SNRPN: variants seen among roughly 807,000 people sequenced by gnomAD.
SNRPN encodes the protein small nuclear ribonucleoprotein polypeptide N.
In SNRPN, 7 loss-of-function variants were observed where a neutral mutation model predicts 25.2. The observed-to-expected ratio is 0.28, with a 90% CI of 0.16 to 0.52. The LOEUF (loss-of-function observed/expected upper bound fraction) is 0.52, where lower values mean the gene tolerates loss of function less well. Among genes scored for constraint, SNRPN ranks in the 20% least tolerant of loss-of-function variants. SNRPN has a pLI of 0.96. For missense variants in SNRPN, 196 were observed against 322.5 expected, an observed-to-expected ratio of 0.61 and a Z score of 3.00; for synonymous variants, 124 against 110.6, an observed-to-expected ratio of 1.12 and a Z score of -0.76.
chr15:24,836,418 AT>A (rs36035592), intron 2 of SNRPN, among the ~76,000 whole-genome samples: 8 of 149,910 alleles, frequency 5.3e-5, no homozygotes, highest in African/African-American at 7.4e-5. Context: ...ATGCAAATGC[AT>A]TTTTTTTTTG....
rs536321251 is a variant in SNRPN, at chr15:24,945,578, G to A, written c.-390-16536G>A. Among the ~76,000 whole-genome samples the A allele has an allele frequency of 2.3e-3, 349 of 152,154 alleles. 1 individual carries two copies. The highest frequency in any genetic ancestry group is 4.3e-3 in the Non-Finnish European group (290 of 67,998). ...TAAAAAAAAAATATACAGGCAGCAG[G>A]CAGGATTTGGCATAGTTTGCTGACC... On this transcript the variant is annotated intron_variant, in intron 3 of 11. Coordinates refer to the SNRPN transcript ENST00000400097.
chr15:24,826,488 T>A (rs981390648), intron 1 of SNRPN, among the ~76,000 whole-genome samples: 2 of 152,120 alleles, frequency 1.3e-5, no homozygotes, highest in African/African-American at 4.8e-5. Context: ...CATTCTTGGT[T>A]TTTACATTGG....
chr15:24,837,987 T>C lies in SNRPN; in HGVS notation c.-579+8082T>C, dbSNP rs544285968. On this transcript the variant is annotated intron_variant, in intron 2 of 12. Coordinates refer to the SNRPN transcript ENST00000400100. ...ATCCGCCTGCCTCGGCCTCCCAAAGTGCTGAGATTACAGGCATGAGCCACT... is the reference window on the plus strand; with the variant it reads ...ATCCGCCTGCCTCGGCCTCCCAAAGCGCTGAGATTACAGGCATGAGCCACT... Among the ~76,000 whole-genome samples the C allele has an allele frequency of 5.7e-4, 86 of 151,902 alleles. 1 individual carries two copies. The highest frequency in any genetic ancestry group is 1.8e-3 in the African/African-American group (75 of 41,354).
intron 1 of SNRPN, among the ~76,000 whole-genome samples, chr15:24,883,992 C>T (rs1281113459): frequency 3.1e-5 from 4 of 130,644 alleles, no homozygotes; most frequent in Non-Finnish European, 6.3e-5. Context: ...GACAACAGAG[C>T]CCCACTCTGT....
intron 3 of SNRPN, among the ~76,000 whole-genome samples, chr15:24,970,727 T>C (rs1185237499): frequency 6.6e-6 from 1 of 152,228 alleles, no homozygotes; most frequent in East Asian, 1.9e-4. Context: ...CATTGTTTTC[T>C]AAACACATCA....
intron 2 of SNRPN, among the ~76,000 whole-genome samples, chr15:24,964,760 T>G (rs1377582139): frequency 6.6e-6 from 1 of 152,224 alleles, no homozygotes; most frequent in East Asian, 1.9e-4. Context: ...TGCTATATTT[T>G]TGTTACAGTT....
chr15:24,919,567 G>T (rs1049173550), intron 2 of SNRPN, among the ~76,000 whole-genome samples: 4 of 152,100 alleles, frequency 2.6e-5, no homozygotes, highest in African/African-American at 4.8e-5. Flanking sequence ...TATAACCAAA[G>T]AGCAGGCTGG....
intron 2 of SNRPN, among the ~76,000 whole-genome samples, chr15:24,895,290 T>G (rs1436422463): frequency 6.6e-6 from 1 of 152,112 alleles, no homozygotes; most frequent in Non-Finnish European, 1.5e-5. Context: ...TCCTACACAT[T>G]TGGTTTCTGA....
At chr15:24,958,228 G>C (rs1006224331) in intron 1 of SNRPN, among the ~76,000 whole-genome samples, 1 of 152,008 alleles carries the variant, frequency 6.6e-6, no homozygotes, top group South Asian at 2.1e-4. Flanking sequence ...TGTTTATAAG[G>C]TGTCAAGGAT....
chr15:24,855,193 T>G (rs12441116), upstream of SNRPN, among the ~76,000 whole-genome samples: 40,667 of 152,144 alleles, frequency 0.27, 6,434 homozygotes, highest in Non-Finnish European at 0.36. Context: ...CTATAATTGA[T>G]GTGAATAATT....
intron 3 of SNRPN, among the ~76,000 whole-genome samples, chr15:24,920,909 A>G (rs901917514): frequency 2.0e-5 from 3 of 152,226 alleles, no homozygotes; most frequent in African/African-American, 4.8e-5. Context: ...GTTTTAGGTC[A>G]GCTGCTGTTA....
Position 24,845,326 on chromosome 15 carries a change from C to T in SNRPN, c.-579+15421C>T, listed in dbSNP as rs555874875. On this transcript the variant is annotated intron_variant, in intron 2 of 12. Transcript: ENST00000400100. ...TTAAACTTGAAATAATGGCCAGGTG[C>T]GGTGGCTCACGCCTGTAATCTGGCA... 4.6e-5 allele frequency among the ~76,000 whole-genome samples: 7 copies of T among 152,278 alleles called. No homozygotes were observed. The South Asian group carries it at 1.0e-3, about 23-fold the overall frequency.
upstream of SNRPN, among the ~76,000 whole-genome samples, chr15:24,951,306 T>C (rs1596110361): frequency 6.6e-6 from 1 of 152,116 alleles, no homozygotes; most frequent in Non-Finnish European, 1.5e-5. Flanking sequence ...AGGGTTCCAA[T>C]TTCTCCACCT....
chr15:24,962,279 C>A, intron 2 of SNRPN, 70 bp downstream of exon 2: 1 of 1,199,416 alleles, frequency 8.3e-7, no homozygotes, highest in Non-Finnish European at 1.2e-6. Context: ...AAATATCATG[C>A]AATGAGGGGA....
intron 1 of SNRPN, among the ~76,000 whole-genome samples, chr15:24,882,428 C>T (rs2056778171): frequency 6.6e-6 from 1 of 152,150 alleles, no homozygotes; most frequent in African/African-American, 2.4e-5. Context: ...ACAATGAATA[C>T]TATCACAGAG....
chr15:24,918,976 T>TAA lies in SNRPN; in HGVS notation c.-504-1034_-504-1033dup, dbSNP rs1377390438. 2.4e-5 allele frequency among the ~76,000 whole-genome samples: 3 copies of TAA among 123,022 alleles called. 1 individual carries two copies. The highest frequency in any genetic ancestry group is 5.0e-5 in the Non-Finnish European group (3 of 60,178). The allele number at this position is 123,022 out of a possible 152,430, so 80.7% of individuals were successfully genotyped here. A position where few individuals can be genotyped will look rare whatever the true frequency, so the allele number is the denominator to read the frequency against. On this transcript the variant is annotated intron_variant, in intron 2 of 11. Transcript: ENST00000400097. ...TAATATATATGCGCGCATATATATATAACATAATATATATGTGCGCATATA... is the reference window on the plus strand; with the variant it reads ...TAATATATATGCGCGCATATATATATAAAACATAATATATATGTGCGCATATA...
chr15:24,953,647 G>A (rs766123401), upstream of SNRPN, among the ~76,000 whole-genome samples: 2 of 152,084 alleles, frequency 1.3e-5, no homozygotes, highest in Admixed American at 6.6e-5. Flanking sequence ...ATTGACTCCC[G>A]TGATCAGAGT....
intron 1 of SNRPN, among the ~76,000 whole-genome samples, chr15:24,864,492 C>T (rs553761535): frequency 5.9e-5 from 9 of 151,402 alleles, no homozygotes; most frequent in East Asian, 3.9e-4. Flanking sequence ...TACAGGCGCC[C>T]GCCACCACGC....
chr15:24,972,423 CTTTG>C (rs531863826), intron 3 of SNRPN, among the ~76,000 whole-genome samples: 153 of 151,448 alleles, frequency 1.0e-3, no homozygotes, highest in African/African-American at 3.5e-3. Flanking sequence ...TTGTGGAGGT[CTTTG>C]TTTGCTTATT....
Sources: allele counts gnomAD v4.1 joint callset (sites outside exome capture counted in the v4.1 genomes callset), GRCh38; gene constraint gnomAD v4.1.1; transcripts MANE v1.5; gene names NCBI Gene and HGNC (gene_info 2026-07-23, HGNC 2026-07-21).